Variants in PAXIP1 observed in about 807,000 individuals in gnomAD.
PAXIP1 encodes PAX interacting protein 1, also known as PAX-interacting protein 1.
Under a neutral mutation model 140.6 loss-of-function variants are expected in PAXIP1, and 19 were observed. That is an observed-to-expected ratio of 0.14 (90% CI 0.09 to 0.20). The LOEUF (loss-of-function observed/expected upper bound fraction) is 0.20, where lower values mean the gene tolerates loss of function less well. PAXIP1 is among the 10% of genes least tolerant of loss of function. The pLI, the probability that PAXIP1 is intolerant of heterozygous loss-of-function variation, is 1.00. For synonymous variants in PAXIP1, 442 were observed against 444.6 expected, an observed-to-expected ratio of 0.99 and a Z score of 0.07; for missense variants, 920 against 1,208.6, an observed-to-expected ratio of 0.76 and a Z score of 3.54.
chr7:154,945,486 G>T, intron 20 of PAXIP1: 1 of 983,240 alleles, frequency 1.0e-6, no homozygotes, highest in Non-Finnish European at 1.2e-6. Flanking sequence ...AACTCGGCAA[G>T]GATGGGTATC....
At chr7:154,969,362 G>A (rs1022877992) in intron 6 of PAXIP1, among the ~76,000 whole-genome samples, 1 of 152,242 alleles carries the variant, frequency 6.6e-6, no homozygotes, top group Non-Finnish European at 1.5e-5. Context: ...AACTACATCA[G>A]TAAAATGGAG....
At chr7:154,981,212 G>A (rs1190077749) in intron 5 of PAXIP1, among the ~76,000 whole-genome samples, 1 of 152,098 alleles carries the variant, frequency 6.6e-6, no homozygotes, top group East Asian at 1.9e-4. Context: ...TTTCTTCAAG[G>A]GGACAGCAGG....
chr7:154,977,250 T>TA (rs1316955139), intron 5 of PAXIP1, among the ~76,000 whole-genome samples: 8 of 152,032 alleles, frequency 5.3e-5, no homozygotes, highest in Non-Finnish European at 8.8e-5. Flanking sequence ...TAAATAAGAG[T>TA]AATATGACAA....
chr7:154,999,732 G>A (rs894978116), intron 1 of PAXIP1, among the ~76,000 whole-genome samples: 6 of 152,188 alleles, frequency 3.9e-5, no homozygotes, highest in Admixed American at 6.5e-5. Context: ...TTTGGGGGTC[G>A]TGTTAATATC....
rs915713042 is a variant in PAXIP1, at chr7:154,968,575, C to G, written c.1626G>C (p.Gln542His). Residue 542 changes from glutamine (Q) to histidine (H), a missense_variant, in exon 7 of 21, where the codon CAG (glutamine) becomes CAC (histidine). This residue lies in a region of PAXIP1 where 133 missense variants were observed against 88.4 expected (regional missense o/e 1.50). Transcript: ENST00000404141. ...IQQQQLQRMHQQQQQQQMQSQ... is the reference protein window; with the variant it reads ...IQQQQLQRMHHQQQQQQMQSQ... Reference sequence around the variant, plus strand: ...TTTGCATCTGCTGCTGCTGCTGCTGCTGGTGCATGCGCTGGAGCTGCTGCT... The same window carrying G: ...TTTGCATCTGCTGCTGCTGCTGCTGGTGGTGCATGCGCTGGAGCTGCTGCT... 6 of 717,128 alleles carry G rather than the reference C, an allele frequency of 8.4e-6. No individual in the cohort carries two copies. The highest frequency in any genetic ancestry group is 2.6e-4 in the Middle Eastern group (1 of 3,912). 44.4% of individuals were successfully genotyped at this position (717,128 alleles called of 1,614,324 possible). A position where few individuals can be genotyped will look rare whatever the true frequency, so the allele number is the denominator to read the frequency against.
intron 4 of PAXIP1, among the ~76,000 whole-genome samples, chr7:154,983,922 G>A (rs1364475046): frequency 2.6e-5 from 4 of 152,158 alleles, no homozygotes; most frequent in East Asian, 1.9e-4. Flanking sequence ...ATGAAGTAAC[G>A]ACTCCAGATA....
In PAXIP1 at chr7:154,946,038, G is replaced by A; in HGVS notation, c.3194+327C>T. On this transcript the variant is annotated intron_variant, in intron 20 of 20. Coordinates refer to ENST00000404141, the MANE Select transcript of PAXIP1 (RefSeq NM_007349.4). The surrounding 1 kb of genome is among the most constrained non-coding windows in gnomAD (Gnocchi z 4.9). ...AAAACTACAAACTCAAAGGTGAGCT[G>A]ATAAAAAGAAACATATATTTATTTT... is the stretch of plus-strand genomic sequence containing the variant. 2.0e-6 allele frequency: 2 copies of A among 982,956 alleles called. No homozygotes were observed. The highest frequency in any genetic ancestry group is 9.4e-5 in the South Asian group (2 of 21,232). 60.9% of individuals were successfully genotyped at this position (982,956 alleles called of 1,614,324 possible). A position where few individuals can be genotyped will look rare whatever the true frequency, so the allele number is the denominator to read the frequency against.
At chr7:154,961,675 A>G in intron 10 of PAXIP1, 27 bp from the exon 11 acceptor site, 1 of 1,544,502 alleles carries the variant, frequency 6.5e-7, no homozygotes, top group Admixed American at 2.0e-5. Flanking sequence ...AAATAAGGTA[A>G]ACACAAAATA....
chr7:154,960,169 G>A (rs919380009), intron 12 of PAXIP1, among the ~76,000 whole-genome samples: 10 of 152,136 alleles, frequency 6.6e-5, no homozygotes, highest in African/African-American at 2.4e-4. Context: ...TAAGACCATC[G>A]GCAGCAAACA....
Position 155,003,060 on chromosome 7 carries a change from G to C in PAXIP1, c.-131C>G. 1 of 226,952 alleles carries C rather than the reference G, an allele frequency of 4.4e-6. No individual in the cohort carries two copies. 14.1% of individuals were successfully genotyped at this position (226,952 alleles called of 1,614,324 possible). On this transcript the variant is annotated 5_prime_UTR_variant, in exon 1 of 21. Transcript: ENST00000404141. ...GCCCGCGCAGCCCGGGCCCGGTCCT[G>C]CGAATCGGGGTCCGCTCCCCCGCCC...
intron 2 of PAXIP1, among the ~76,000 whole-genome samples, chr7:154,995,653 C>G (rs561721767): frequency 2.1e-4 from 32 of 152,216 alleles, no homozygotes; most frequent in African/African-American, 7.5e-4. Flanking sequence ...GGTTCGAGAC[C>G]AGCCTGGCCA....
chr7:154,981,102 C>T (rs1047970104), intron 5 of PAXIP1, among the ~76,000 whole-genome samples: 3 of 151,650 alleles, frequency 2.0e-5, no homozygotes, highest in Non-Finnish European at 4.4e-5. Context: ...GCCTGGGCGA[C>T]AGAGTGAGAC....
At position 154,948,014 on chromosome 7, in the gene PAXIP1, G is replaced by C. The variant is rs1808076289; in HGVS notation, c.2822-11C>G. On this transcript the variant is annotated splice_polypyrimidine_tract_variant and intron_variant, in intron 16 of 20. Coordinates refer to ENST00000404141, the MANE Select transcript of PAXIP1 (RefSeq NM_007349.4). ...TGTAGTTCTGCTCATCTGGAAAACA[G>C]AACAGCACATACTCTGAAAAGTGTG... The C allele has an allele frequency of 6.4e-7, 1 of 1,572,804 alleles. No homozygotes were observed. The highest frequency in any genetic ancestry group is 1.1e-5 in the South Asian group (1 of 90,276).
intron 1 of PAXIP1, chr7:155,001,285 A>G (rs1030223151): frequency 1.3e-5 from 2 of 152,322 alleles, no homozygotes; most frequent in African/African-American, 4.8e-5. Context: ...CAAGTCCCCT[A>G]TAAGAGCCAA....
At chr7:154,983,974 G>C (rs1809956246) in intron 4 of PAXIP1, among the ~76,000 whole-genome samples, 1 of 152,254 alleles carries the variant, frequency 6.6e-6, no homozygotes, top group African/African-American at 2.4e-5. Context: ...TGTAACAATA[G>C]AAACAGCTAC....
chr7:154,944,376 A>G, intron 20 of PAXIP1: 1 of 443,314 alleles, frequency 2.3e-6, no homozygotes, highest in South Asian at 3.5e-5. Flanking sequence ...CGGGGACATC[A>G]GCACCTGTGC....
chr7:154,993,629 C>T (rs973587855), intron 3 of PAXIP1, 97 bp downstream of exon 3: 14 of 909,686 alleles, frequency 1.5e-5, no homozygotes, highest in Middle Eastern at 2.1e-4. Flanking sequence ...TCTGTCCTAA[C>T]GAATGAATCC....
At position 154,946,770 on chromosome 7, in the gene PAXIP1, G is replaced by A; in HGVS notation, c.2966C>T (p.Ser989Phe). 1 of 1,611,464 alleles carries A rather than the reference G, an allele frequency of 6.2e-7. No homozygotes were observed. Reference sequence around the variant, plus strand: ...ACACTCTACGATTGCCTTCATAGTGGAAAGACTTGGGCAGATTCCAGGTGT... The same window carrying A: ...ACACTCTACGATTGCCTTCATAGTGAAAAGACTTGGGCAGATTCCAGGTGT... ...YITPGICPSL[S>F]TMKAIVECAG... Residue 989 changes from serine to phenylalanine, a missense_variant, in exon 18 of 21, where the codon TCC (serine) becomes TTC (phenylalanine). Around this residue, in one of 5 missense-constraint regions of PAXIP1, gnomAD observed 303 missense variants for 517.9 expected, o/e 0.59. Coordinates refer to ENST00000404141, the MANE Select transcript of PAXIP1 (RefSeq NM_007349.4). The surrounding 1 kb of genome is among the most constrained non-coding windows in gnomAD (Gnocchi z 4.9).
At position 154,963,434 on chromosome 7, in the gene PAXIP1, G is replaced by A. The variant is rs530547222; in HGVS notation, c.1989+237C>T. ...CGTGACCCGTCCACCTCGGCCTCCT[G>A]TCCGCCCTTTCTTAACACCACCTGG... On this transcript the variant is annotated intron_variant, in intron 9 of 20. Coordinates refer to ENST00000404141, the MANE Select transcript of PAXIP1 (RefSeq NM_007349.4). This position sits in a 1 kb window ranked among gnomAD's most constrained non-coding sequence, Gnocchi z 4.1. 6.6e-6 allele frequency among the ~76,000 whole-genome samples: 1 copy of A among 152,226 alleles called. No homozygotes were observed. Among genetic ancestry groups the A allele is most frequent in the East Asian group, 1.9e-4 (1 of 5,190 alleles).
Sources: gnomAD v4.1 joint callset for allele counts (sites outside exome capture counted in the v4.1 genomes callset) on GRCh38, gnomAD v4.1.1 for gene constraint, gnomAD v4.1.1 regional missense constraint, Gnocchi (gnomAD v3.1) non-coding constraint, MANE v1.5 for transcripts, NCBI Gene and HGNC (gene_info 2026-07-23, HGNC 2026-07-21) for gene names.